The following NEMP2 variants were observed in gnomAD, a reference collection of about 807,000 sequenced individuals.
The protein encoded by NEMP2 is nuclear envelope integral membrane protein 2.
NEMP2 carries 53 observed loss-of-function variants against 54.2 expected under a neutral mutation model. The observed-to-expected ratio is 0.98, with a 90% CI of 0.78 to 1.23. The LOEUF (loss-of-function observed/expected upper bound fraction) is 1.23. Among genes scored for constraint, NEMP2 ranks in the 50% most tolerant of loss-of-function variants. The pLI is 0.00. For synonymous variants in NEMP2, 197 were observed against 190.3 expected (o/e 1.04, Z -0.29); for missense variants, 455 against 511.3 (o/e 0.89, Z 1.06).
At chr2:190,536,628 C>T (rs1382499335), upstream of NEMP2, among the ~76,000 whole-genome samples, 1 of 152,184 alleles carries the variant, frequency 6.6e-6, no homozygotes, top group Admixed American at 6.5e-5. Flanking sequence ...CCAGTGACAA[C>T]ACCAGTCAAC....
rs1690475352 is a variant in NEMP2, at chr2:190,514,387, C to G, written c.953+66G>C. The stretch of plus-strand genomic sequence containing the variant: ...GAGATTAACATGATGTGTGCAAACA[C>G]TCTCCCAAATAATAAAACTAGAGCT... On this transcript the variant is annotated intron_variant, in intron 7 of 8. Coordinates refer to ENST00000409150, the MANE Select transcript of NEMP2 (RefSeq NM_001142645.2). The surrounding 1 kb of genome is among the most constrained non-coding windows in gnomAD (Gnocchi z 5.7). 7.4e-7 allele frequency: 1 copy of G among 1,359,114 alleles called. No individual in the cohort carries two copies. Among genetic ancestry groups the G allele is most frequent in the Non-Finnish European group, 1.0e-6 (1 of 975,028 alleles). 84.2% of individuals were successfully genotyped at this position (1,359,114 alleles called of 1,614,324 possible). A position where few individuals can be genotyped will look rare whatever the true frequency, so the allele number is the denominator to read the frequency against.
chr2:190,572,833 G>GTTTATATATATATATATATATA, the NEMP2 span, among the ~76,000 whole-genome samples: 15 of 47,860 alleles, frequency 3.1e-4, 3 homozygotes, highest in East Asian at 9.2e-4. Flanking sequence ...CTTTTCATGA[G>GTTTATATATATATATATATATA]TATATATATA....
the NEMP2 span, among the ~76,000 whole-genome samples, chr2:190,569,273 C>T: frequency 5.9e-5 from 9 of 152,126 alleles, no homozygotes; most frequent in South Asian, 2.1e-4. Context: ...ACATTCTAAA[C>T]GCTAAAAAGA....
rs939070142 is a variant in NEMP2, at chr2:190,512,111, G to A, written c.954-1574C>T. ...TCTGCTTTTCTGAATACCTGTGCAT[G>A]GTTTCCCTGAAGGAAAAACCCTGGA... On this transcript the variant is annotated intron_variant, in intron 7 of 8. Coordinates refer to ENST00000409150, the MANE Select transcript of NEMP2 (RefSeq NM_001142645.2). The surrounding 1 kb of genome is among the most constrained non-coding windows in gnomAD (Gnocchi z 4.5). Among the ~76,000 whole-genome samples the A allele has an allele frequency of 2.6e-5, 4 of 152,050 alleles. No homozygotes were observed. Among genetic ancestry groups the A allele is most frequent in the African/African-American group, 4.8e-5 (2 of 41,398 alleles).
At chr2:190,498,475 C>T in the NEMP2 span, among the ~76,000 whole-genome samples, 1 of 152,032 alleles carries the variant, frequency 6.6e-6, no homozygotes, top group Non-Finnish European at 1.5e-5. The surrounding 1 kb of genome is among the most constrained non-coding windows in gnomAD (Gnocchi z 5.9). Context: ...GAGTAATTCC[C>T]CTTTCAGAAA....
chr2:190,480,198 C>T, the NEMP2 span, among the ~76,000 whole-genome samples: 1 of 152,190 alleles, frequency 6.6e-6, no homozygotes, highest in African/African-American at 2.4e-5. Context: ...CATTTTCCTC[C>T]TCTTATGCTC....
the NEMP2 span, among the ~76,000 whole-genome samples, chr2:190,548,856 C>T: frequency 6.6e-6 from 1 of 152,222 alleles, no homozygotes; most frequent in Admixed American, 6.5e-5. Context: ...CTCCATGTGC[C>T]TTGTCCCAAT....
the NEMP2 span, among the ~76,000 whole-genome samples, chr2:190,584,197 G>C: frequency 6.6e-6 from 1 of 152,166 alleles, no homozygotes; most frequent in East Asian, 1.9e-4. This position sits in a 1 kb window ranked among gnomAD's most constrained non-coding sequence, Gnocchi z 4.2. Flanking sequence ...GCTTTCCTCT[G>C]AGGTCAAAGA....
At chr2:190,447,161 A>G in the NEMP2 span, among the ~76,000 whole-genome samples, 6 of 152,226 alleles carry the variant, frequency 3.9e-5, no homozygotes, top group African/African-American at 1.2e-4. This position sits in a 1 kb window ranked among gnomAD's most constrained non-coding sequence, Gnocchi z 4.5. Context: ...GGTGTCTGAC[A>G]TGGAATTATT....
chr2:190,457,811 G>C, the NEMP2 span, among the ~76,000 whole-genome samples: 4 of 152,278 alleles, frequency 2.6e-5, no homozygotes, highest in African/African-American at 9.6e-5. This position sits in a 1 kb window ranked among gnomAD's most constrained non-coding sequence, Gnocchi z 5.1. Flanking sequence ...CTATGCATGT[G>C]CCCTGGATGC....
In NEMP2 at chr2:190,514,741, G is replaced by A; in HGVS notation, c.728-63C>T. ...ATTTGAGACATTATGTGAAAAACCT[G>A]GCAGAGCCTTGACTTAAAGGTAAAA... On this transcript the variant is annotated intron_variant, in intron 6 of 8. Transcript: ENST00000409150. This position sits in a 1 kb window ranked among gnomAD's most constrained non-coding sequence, Gnocchi z 5.7. The A allele has an allele frequency of 2.1e-6, 3 of 1,455,206 alleles. No individual in the cohort carries two copies. Among genetic ancestry groups the A allele is most frequent in the Non-Finnish European group, 2.8e-6 (3 of 1,063,608 alleles). 90.1% of individuals were successfully genotyped at this position (1,455,206 alleles called of 1,614,324 possible).
the NEMP2 span, among the ~76,000 whole-genome samples, chr2:190,585,814 C>T: frequency 6.6e-6 from 1 of 152,126 alleles, no homozygotes; most frequent in Non-Finnish European, 1.5e-5. The surrounding 1 kb of genome is among the most constrained non-coding windows in gnomAD (Gnocchi z 5.3). Context: ...CTCCTTGGGA[C>T]CCTCTGGATC....
At position 190,523,578 on chromosome 2, in the gene NEMP2, A is replaced by G. The variant is rs1302946437; in HGVS notation, c.213+1685T>C. ...CACACATGATGATATGCTAGTAGCA[A>G]TGAACACACCTAATGTTGACTGTTC... On this transcript the variant is annotated intron_variant, in intron 2 of 8. Coordinates refer to ENST00000409150, the MANE Select transcript of NEMP2 (RefSeq NM_001142645.2). This position sits in a 1 kb window ranked among gnomAD's most constrained non-coding sequence, Gnocchi z 5.3. Among the ~76,000 whole-genome samples the G allele has an allele frequency of 6.7e-6, 1 of 150,062 alleles. No individual in the cohort carries two copies. Among genetic ancestry groups the G allele is most frequent in the Non-Finnish European group, 1.5e-5 (1 of 67,616 alleles).
chr2:190,459,979 T>G, the NEMP2 span, among the ~76,000 whole-genome samples: 2 of 152,252 alleles, frequency 1.3e-5, no homozygotes, highest in African/African-American at 2.4e-5. The surrounding 1 kb of genome is among the most constrained non-coding windows in gnomAD (Gnocchi z 5.3). Context: ...ACCTGCTGGC[T>G]GATAGAAGCT....
At chr2:190,534,831 T>G, upstream of NEMP2, 1 of 444,970 alleles carries the variant, frequency 2.2e-6, no homozygotes, top group East Asian at 3.7e-5. Context: ...TGCTCCAGCC[T>G]CCGCCCGCGG....
chr2:190,472,979 C>G, the NEMP2 span, among the ~76,000 whole-genome samples: 1 of 152,128 alleles, frequency 6.6e-6, no homozygotes, highest in Non-Finnish European at 1.5e-5. Context: ...TCATATCCAG[C>G]CAAACTAAGC....
chr2:190,605,444 A>G, the NEMP2 span, among the ~76,000 whole-genome samples: 1 of 151,788 alleles, frequency 6.6e-6, no homozygotes, highest in Admixed American at 6.6e-5. Context: ...GCGCAATCTC[A>G]GGTCACTGCA....
the NEMP2 span, among the ~76,000 whole-genome samples, chr2:190,606,202 A>G: frequency 2.0e-5 from 3 of 152,170 alleles, no homozygotes; most frequent in Admixed American, 2.0e-4. Flanking sequence ...CCTACTAGTT[A>G]CAGCCCCTCT....
rs1690771646 is a variant in NEMP2 at position 190,522,122 on chromosome 2, T to C, written c.214-2939A>G. ...ACACTTATCTGAAAATACCTTTGTA[T>C]AGAGTTTTAACTTTTAAGCCATATT... On this transcript the variant is annotated intron_variant, in intron 2 of 8. Transcript: ENST00000409150. This position sits in a 1 kb window ranked among gnomAD's most constrained non-coding sequence, Gnocchi z 5.0. Among the ~76,000 whole-genome samples the C allele has an allele frequency of 6.6e-6, 1 of 152,194 alleles. No homozygotes were observed. The highest frequency in any genetic ancestry group is 6.5e-5 in the Admixed American group (1 of 15,278).
Sources: gnomAD v4.1 joint callset for allele counts (sites outside exome capture counted in the v4.1 genomes callset) on GRCh38, gnomAD v4.1.1 for gene constraint, Gnocchi (gnomAD v3.1) non-coding constraint, MANE v1.5 for transcripts, NCBI Gene and HGNC (gene_info 2026-07-23, HGNC 2026-07-21) for gene names.